The following NBR1 variants were observed in gnomAD, a reference collection of about 807,000 sequenced individuals.
NBR1 encodes the protein next to BRCA1 gene 1 protein.
In NBR1, 59 loss-of-function variants were observed where a neutral mutation model predicts 115.5. That is an observed-to-expected ratio of 0.51 (90% CI 0.41 to 0.63). NBR1 has a LOEUF of 0.63. Among genes scored for constraint, NBR1 ranks in the 30% least tolerant of loss-of-function variants. The pLI, the probability that NBR1 is intolerant of heterozygous loss-of-function variation, is 0.00. For synonymous variants in NBR1, 373 were observed against 414.7 expected, an observed-to-expected ratio of 0.90 and a Z score of 1.22; for missense variants, 1,043 against 1,150.5, an observed-to-expected ratio of 0.91 and a Z score of 1.35.
Position 43,191,484 on chromosome 17 carries a change from C to T in NBR1, c.976C>T (p.His326Tyr). 6.2e-7 allele frequency: 1 copy of T among 1,613,206 alleles called. No individual in the cohort carries two copies. The highest frequency in any genetic ancestry group is 8.5e-7 in the Non-Finnish European group (1 of 1,179,512). The change falls in exon 10 of 21, where the codon CAT (histidine) becomes TAT (tyrosine). Residue 326 changes from histidine (H) to tyrosine (Y), a missense_variant. His to Tyr is a moderately conservative substitution (Grantham distance 83). Transcript: ENST00000590996. ...VKELKKQLKLHRKIHLWNSIH... is the reference protein window; with the variant it reads ...VKELKKQLKLYRKIHLWNSIH... ...GGAACTTAAAAAGCAGCTTAAACTC[C>T]ATAGGAAAATTCACCTGTGGAATTC...
At position 43,174,312 on chromosome 17, in the gene NBR1, A is replaced by G. The variant is rs545075125; in HGVS notation, c.-9-1479A>G. On this transcript the variant is annotated intron_variant, in intron 1 of 20. Transcript: ENST00000590996. ...TTTTCCCATAAAAATATTTTAAAAA[A>G]TAGTCCGGGCATGGTGGCTCACGCC... 1.1e-4 allele frequency among the ~76,000 whole-genome samples: 17 copies of G among 152,296 alleles called. No individual in the cohort carries two copies. In the South Asian group the frequency reaches 2.3e-3, roughly 20 times the overall value.
intron 3 of NBR1, 90 bp downstream of exon 3, chr17:43,178,088 T>A: frequency 7.0e-7 from 1 of 1,422,486 alleles, no homozygotes; most frequent in South Asian, 1.2e-5. Context: ...CAAAATAGTG[T>A]TTAGCTTATT....
At position 43,191,393 on chromosome 17, in the gene NBR1, G is replaced by A; in HGVS notation, c.885G>A (p.Lys295=). The change falls in exon 10 of 21, where the codon AAG becomes AAA. Residue 295 remains lysine (K), a synonymous_variant. Transcript: ENST00000590996. ...EQVRLQKQVD[K]NFLKAEKQRL... ...ACAGGCTCCAGAAACAGGTTGATAA[G>A]AACTTTCTTAAAGCAGAAAAGCAAA... 2 of 1,612,942 alleles carry A rather than the reference G, an allele frequency of 1.2e-6. No individual in the cohort carries two copies. Among genetic ancestry groups the A allele is most frequent in the Non-Finnish European group, 1.7e-6 (2 of 1,179,298 alleles).
intron 20 of NBR1, among the ~76,000 whole-genome samples, chr17:43,204,774 C>T (rs1262125794): frequency 6.8e-6 from 1 of 147,650 alleles, no homozygotes; most frequent in African/African-American, 2.5e-5. Context: ...GAGATGGCAC[C>T]ACAGCACTCC....
chr17:43,198,588 G>A (rs2057119653), intron 16 of NBR1, among the ~76,000 whole-genome samples: 1 of 151,444 alleles, frequency 6.6e-6, no homozygotes, highest in Admixed American at 6.6e-5. Context: ...GGAAGCCAAG[G>A]TTGCAGTGAG....
chr17:43,180,823 G>A lies in NBR1; in HGVS notation c.207+6G>A. The A allele has an allele frequency of 2.1e-6, 3 of 1,436,728 alleles. No individual in the cohort carries two copies. The highest frequency in any genetic ancestry group is 2.8e-6 in the Non-Finnish European group (3 of 1,088,944). 89.0% of individuals were successfully genotyped at this position (1,436,728 alleles called of 1,614,324 possible). ...AATATGAAGAAGCGCTTAAGGTAAT[G>A]ATTATTTAATCTCATTTTTAAATAA... On this transcript the variant is annotated splice_donor_region_variant and intron_variant, in intron 5 of 20. Coordinates refer to ENST00000590996, the MANE Select transcript of NBR1 (RefSeq NM_005899.5).
intron 9 of NBR1, among the ~76,000 whole-genome samples, chr17:43,191,084 T>G (rs2056932647): frequency 6.6e-6 from 1 of 152,064 alleles, no homozygotes; most frequent in South Asian, 2.1e-4. Context: ...AGATCCCGCC[T>G]CTACAAAAAA....
In NBR1 at chr17:43,190,728, A is replaced by G. The variant is rs1597988980; in HGVS notation, c.815A>G (p.His272Arg). 2 of 1,613,372 alleles carry G rather than the reference A, an allele frequency of 1.2e-6. No homozygotes were observed. Among genetic ancestry groups the G allele is most frequent in the East Asian group, 2.2e-5 (1 of 44,888 alleles). Residue 272 changes from histidine to arginine, a missense_variant, in exon 9 of 21, where the codon CAC becomes CGC. Coordinates refer to ENST00000590996, the MANE Select transcript of NBR1 (RefSeq NM_005899.5). ...GTGGGCTCCTCTGAACCGTTCTGTC[A>G]CTCAAAGTACTCTACTCCTCGTCTT... ...PVVGSSEPFC[H>R]SKYSTPRLPA...
At position 43,189,743 on chromosome 17, in the gene NBR1, C is replaced by A; in HGVS notation, c.636C>A (p.Ser212Arg). 1 of 1,614,012 alleles carries A rather than the reference C, an allele frequency of 6.2e-7. No homozygotes were observed. The highest frequency in any genetic ancestry group is 8.5e-7 in the Non-Finnish European group (1 of 1,179,906). Reference sequence around the variant, plus strand: ...TGTTTTTGCCAGAAAACCAGTTCAGCTGGCATATTGCTTGCAACAACTGCC... The same window carrying A: ...TGTTTTTGCCAGAAAACCAGTTCAGATGGCATATTGCTTGCAACAACTGCC... ...ETLFLPENQF[S>R]WHIACNNCQR... is the part of the protein sequence containing the mutation. The change falls in exon 8 of 21, where the codon AGC (serine) becomes AGA (arginine). Residue 212 changes from serine (S) to arginine (R), a missense_variant. Physicochemically the swap from Ser to Arg is moderately radical, Grantham distance 110. Transcript: ENST00000590996.
intron 20 of NBR1, among the ~76,000 whole-genome samples, chr17:43,206,543 T>C (rs1174346035): frequency 6.6e-6 from 1 of 151,988 alleles, no homozygotes; most frequent in Non-Finnish European, 1.5e-5. Context: ...TAGTCCTAGC[T>C]ACTCGGGAGT....
rs368122136 is a variant in NBR1, at chr17:43,191,399, T to C, written c.891T>C (p.Phe297=). ...TCCAGAAACAGGTTGATAAGAACTT[T>C]CTTAAAGCAGAAAAGCAAAGGTTGC... The part of the protein sequence containing the change: ...VRLQKQVDKN[F]LKAEKQRLRA... The change falls in exon 10 of 21, where the codon TTT becomes TTC. Residue 297 remains phenylalanine (F), a synonymous_variant. Transcript: ENST00000590996. 213 of 1,613,416 alleles carry C rather than the reference T, an allele frequency of 1.3e-4. No homozygotes were observed. In the African/African-American group the frequency reaches 2.5e-3, roughly 19 times the overall value.
chr17:43,208,656 G>A (rs2057360578), intron 20 of NBR1, among the ~76,000 whole-genome samples: 1 of 152,170 alleles, frequency 6.6e-6, no homozygotes, highest in South Asian at 2.1e-4. Context: ...TCCCCAGTCT[G>A]TGAAATTGGG....
At chr17:43,208,410 A>C (rs1302929442) in intron 20 of NBR1, among the ~76,000 whole-genome samples, 2 of 152,220 alleles carry the variant, frequency 1.3e-5, no homozygotes, top group African/African-American at 4.8e-5. Context: ...CTATTCTGAA[A>C]TAAGAAGGTA....
Position 43,196,172 on chromosome 17 carries a change from T to C in NBR1, c.1751-309T>C, listed in dbSNP as rs111836539. On this transcript the variant is annotated intron_variant, in intron 14 of 20. Transcript: ENST00000590996. ...AAGTTCGTGCAAGGCTTTTCCACTA[T>C]AAAGGAATCCTCTTCTCTTTTTTCC... The C allele has an allele frequency of 3.6e-3, 750 of 209,874 alleles. 12 individuals are homozygous for C. The highest frequency in any genetic ancestry group is 0.016 in the African/African-American group (685 of 42,730). 13.0% of individuals were successfully genotyped at this position (209,874 alleles called of 1,614,324 possible).
In NBR1 at chr17:43,186,291, C is replaced by G. The variant is rs112368175; in HGVS notation, c.249C>G (p.His83Gln). ...KQGNQLQMQVHEGHHVVDEAP... is the reference protein window; with the variant it reads ...KQGNQLQMQVQEGHHVVDEAP... ...GAAACCAACTGCAGATGCAAGTCCACGAAGGGCACCATGTCGTTGATGAAG... is the reference window on the plus strand; with the variant it reads ...GAAACCAACTGCAGATGCAAGTCCAGGAAGGGCACCATGTCGTTGATGAAG... The change falls in exon 6 of 21, where the codon CAC becomes CAG. Residue 83 changes from histidine to glutamine, a missense_variant. His to Gln is a conservative substitution (Grantham distance 24). Transcript: ENST00000590996. 2 of 1,585,716 alleles carry G rather than the reference C, an allele frequency of 1.3e-6. No individual in the cohort carries two copies. Among genetic ancestry groups the G allele is most frequent in the Non-Finnish European group, 1.7e-6 (2 of 1,166,068 alleles).
intron 1 of NBR1, among the ~76,000 whole-genome samples, chr17:43,174,506 G>A (rs971705742): frequency 6.6e-6 from 1 of 152,150 alleles, no homozygotes; most frequent in Non-Finnish European, 1.5e-5. Context: ...GCTGAGGTGA[G>A]AGAATCGCTT....
chr17:43,202,692 G>T lies in NBR1; in HGVS notation c.2601G>T (p.Gln867His). 6.3e-7 allele frequency: 1 copy of T among 1,575,628 alleles called. No individual in the cohort carries two copies. Among genetic ancestry groups the T allele is most frequent in the East Asian group, 2.3e-5 (1 of 43,574 alleles). ...CATCAGGACTTGTAAACAGCAGACA[G>T]AAGAGCTATGACCACTCAAGGTAAC... is the stretch of plus-strand genomic sequence containing the variant. Reference protein sequence around the residue: ...RGSSGLVNSRQKSYDHSRHHH... With the variant: ...RGSSGLVNSRHKSYDHSRHHH... The change falls in exon 19 of 21, where the codon CAG becomes CAT. Residue 867 changes from glutamine (Q) to histidine (H), a missense_variant. Physicochemically the swap from Gln to His is conservative, Grantham distance 24. Transcript: ENST00000590996.
intron 16 of NBR1, 34 bp downstream of exon 16, chr17:43,197,140 G>T (rs1046484225): frequency 6.2e-7 from 1 of 1,603,158 alleles, no homozygotes; most frequent in Non-Finnish European, 8.5e-7. Context: ...ACCTAGCAGG[G>T]TGGCACCTGA....
chr17:43,187,212 T>C (rs2056826739), intron 6 of NBR1, among the ~76,000 whole-genome samples: 1 of 152,160 alleles, frequency 6.6e-6, no homozygotes, highest in Non-Finnish European at 1.5e-5. Flanking sequence ...GGAGTCTCAC[T>C]CTGTTGCCCA....
Sources: gnomAD v4.1 joint callset for allele counts (sites outside exome capture counted in the v4.1 genomes callset) on GRCh38, gnomAD v4.1.1 for gene constraint, MANE v1.5 for transcripts, NCBI Gene and HGNC (gene_info 2026-07-23, HGNC 2026-07-21) for gene names.